GPC6: variants seen among roughly 807,000 people sequenced by gnomAD.
The protein encoded by GPC6 is glypican-6.
In GPC6, 14 loss-of-function variants were observed where a neutral mutation model predicts 55.2. The ratio of observed to expected loss-of-function variants is 0.25; its 90% CI spans 0.17 to 0.40. The LOEUF (loss-of-function observed/expected upper bound fraction) is 0.40, where lower values mean the gene tolerates loss of function less well. Ranked by LOEUF, GPC6 falls within the 10% of genes least tolerant of loss-of-function variation. The pLI, the probability that GPC6 is intolerant of heterozygous loss-of-function variation, is 1.00. For synonymous variants in GPC6, 278 were observed against 259.6 expected, an observed-to-expected ratio of 1.07 and a Z score of -0.68; for missense variants, 641 against 708.5, an observed-to-expected ratio of 0.90 and a Z score of 1.08.
intron 4 of GPC6, among the ~76,000 whole-genome samples, chr13:94,148,837 G>A (rs1216416527): frequency 6.6e-6 from 1 of 152,054 alleles, no homozygotes; most frequent in Non-Finnish European, 1.5e-5. Context: ...CTTTGGGTAG[G>A]GATTTAACCT....
chr13:94,174,788 A>G (rs544192614), intron 4 of GPC6, among the ~76,000 whole-genome samples: 3 of 152,256 alleles, frequency 2.0e-5, no homozygotes, highest in African/African-American at 7.2e-5. Context: ...TTACCTTTCA[A>G]CCATATATGG....
intron 3 of GPC6, among the ~76,000 whole-genome samples, chr13:93,930,972 A>G (rs1878135781): frequency 6.6e-6 from 1 of 152,074 alleles, no homozygotes; most frequent in South Asian, 2.1e-4. Flanking sequence ...GGCTGGAGCA[A>G]TGTGGGTGGA....
At chr13:93,380,168 TATATA>T (rs779417836) in intron 1 of GPC6, among the ~76,000 whole-genome samples, 20 of 152,040 alleles carry the variant, frequency 1.3e-4, no homozygotes, top group Non-Finnish European at 2.9e-4. Context: ...AATGGAAAAA[TATATA>T]GTAAGTTTTA....
chr13:93,463,588 A>G (rs1242401369), intron 1 of GPC6, among the ~76,000 whole-genome samples: 1 of 152,132 alleles, frequency 6.6e-6, no homozygotes, highest in African/African-American at 2.4e-5. Flanking sequence ...TAGGTATCTC[A>G]TTAGTAATTT....
rs115689518 is a variant in GPC6 at position 94,044,771 on chromosome 13, G to A, written c.877+16877G>A. On this transcript the variant is annotated intron_variant, in intron 4 of 8. Transcript: ENST00000377047. ...ACTTATAAGAATCCCTATTTCCCCA[G>A]AATCTCATAAGACAAGGTGATGTCA... 9.3e-3 allele frequency among the ~76,000 whole-genome samples: 1,407 copies of A among 151,874 alleles called. 21 individuals are homozygous for A. The highest frequency in any genetic ancestry group is 0.032 in the African/African-American group (1,331 of 41,486).
intron 2 of GPC6, among the ~76,000 whole-genome samples, chr13:93,808,922 A>G (rs1312398425): frequency 6.6e-6 from 1 of 152,204 alleles, no homozygotes; most frequent in Non-Finnish European, 1.5e-5. Flanking sequence ...ACCTAGACGT[A>G]AGGCAGGTGA....
intron 1 of GPC6, among the ~76,000 whole-genome samples, chr13:93,472,928 C>G (rs1425952192): frequency 6.6e-6 from 1 of 152,222 alleles, no homozygotes; most frequent in Non-Finnish European, 1.5e-5. Flanking sequence ...GAAGGTAGCT[C>G]TTCTCTGCAG....
chr13:93,249,204 G>A (rs935176360), intron 1 of GPC6, among the ~76,000 whole-genome samples: 6 of 152,136 alleles, frequency 3.9e-5, no homozygotes, highest in African/African-American at 1.4e-4. Flanking sequence ...CACTGAGGAC[G>A]TATTTTCACC....
chr13:93,540,741 A>C (rs575372241), intron 1 of GPC6, among the ~76,000 whole-genome samples: 3 of 152,236 alleles, frequency 2.0e-5, no homozygotes, highest in African/African-American at 7.2e-5. Flanking sequence ...ATTATCGTTA[A>C]CTATAGTCAT....
intron 1 of GPC6, among the ~76,000 whole-genome samples, chr13:93,515,722 G>A (rs967817319): frequency 4.6e-5 from 7 of 152,078 alleles, no homozygotes; most frequent in East Asian, 1.9e-4. Context: ...GACTAGTGAC[G>A]TATCATGTTA....
intron 4 of GPC6, among the ~76,000 whole-genome samples, chr13:94,278,438 GC>G (rs1309097222): frequency 6.6e-6 from 1 of 152,032 alleles, no homozygotes; most frequent in East Asian, 1.9e-4. Flanking sequence ...TCTTTCTCCT[GC>G]CTAATTGCCC....
intron 2 of GPC6, among the ~76,000 whole-genome samples, chr13:93,642,889 GA>G (rs1415338261): frequency 6.6e-6 from 1 of 152,102 alleles, no homozygotes; most frequent in East Asian, 1.9e-4. Context: ...AAGAAAGCAT[GA>G]AAGGTGAGAT....
chr13:93,649,771 G>C (rs1283066969), intron 2 of GPC6, among the ~76,000 whole-genome samples: 1 of 152,146 alleles, frequency 6.6e-6, no homozygotes, highest in Non-Finnish European at 1.5e-5. Flanking sequence ...ATTCTGGACA[G>C]TTATGCTTAT....
chr13:94,022,449 T>C (rs1475660550), intron 3 of GPC6, among the ~76,000 whole-genome samples: 1 of 152,058 alleles, frequency 6.6e-6, no homozygotes, highest in African/African-American at 2.4e-5. Flanking sequence ...TAATATTTTA[T>C]TGTGCATATA....
intron 3 of GPC6, among the ~76,000 whole-genome samples, chr13:93,930,669 C>A (rs1450186952): frequency 1.3e-5 from 2 of 151,996 alleles, no homozygotes; most frequent in African/African-American, 4.8e-5. Flanking sequence ...GACTGATGGG[C>A]AGATTGGAAG....
chr13:93,616,434 A>G (rs1260708538), intron 2 of GPC6, among the ~76,000 whole-genome samples: 1 of 152,082 alleles, frequency 6.6e-6, no homozygotes, highest in Non-Finnish European at 1.5e-5. Flanking sequence ...TTTTTTCAAC[A>G]GAAACAATCA....
intron 1 of GPC6, among the ~76,000 whole-genome samples, chr13:93,264,661 G>A (rs1323872502): frequency 1.3e-5 from 2 of 152,080 alleles, no homozygotes; most frequent in Non-Finnish European, 2.9e-5. Flanking sequence ...GCCTTCCAAA[G>A]TGCTGAGATT....
chr13:94,373,887 A>G (rs1205069546), intron 6 of GPC6, among the ~76,000 whole-genome samples: 3 of 152,156 alleles, frequency 2.0e-5, no homozygotes, highest in African/African-American at 7.2e-5. Flanking sequence ...CCTACAAGCC[A>G]GAAGAGAGTG....
At chr13:94,231,503 T>G (rs2139013686) in intron 4 of GPC6, among the ~76,000 whole-genome samples, 1 of 152,312 alleles carries the variant, frequency 6.6e-6, no homozygotes, top group East Asian at 1.9e-4. Context: ...AGAAAGGTTT[T>G]TGCCCACCAA....
Sources: allele counts gnomAD v4.1 joint callset (sites outside exome capture counted in the v4.1 genomes callset), GRCh38; gene constraint gnomAD v4.1.1; transcripts MANE v1.5; gene names NCBI Gene and HGNC (gene_info 2026-07-23, HGNC 2026-07-21).